USH2A: variants seen among roughly 807,000 people sequenced by gnomAD.
USH2A encodes usherin.
A neutral mutation model predicts 538.9 loss-of-function variants in USH2A; 443 were observed. The observed-to-expected ratio is 0.82, with a 90% CI of 0.76 to 0.89. USH2A has a LOEUF of 0.89. Ranked by LOEUF, USH2A falls within the 40% of genes least tolerant of loss-of-function variation. The probability of loss-of-function intolerance (pLI) is 0.00; values close to 1 mark genes in which losing one functional copy is unlikely to be tolerated. For synonymous variants in USH2A, 2,413 were observed against 2,273.5 expected (o/e 1.06, Z -1.75); for missense variants, 6,633 against 6,324.8 (o/e 1.05, Z -1.65).
In USH2A at chr1:216,154,023, C is replaced by T. The variant is rs139444788; in HGVS notation, c.4627+21229G>A. On this transcript the variant is annotated intron_variant, in intron 21 of 71. Transcript: ENST00000307340. ...AACTTAATAATGTAGCATATTAACA[C>T]GGATTATATAAGCTATGAAAAATAC... Among the ~76,000 whole-genome samples, 39 of 152,180 alleles carry T rather than the reference C, an allele frequency of 2.6e-4. No homozygotes were observed. The East Asian group carries it at 3.5e-3, about 14-fold the overall frequency.
At chr1:216,074,233 C>G (rs1243791066) in intron 27 of USH2A, among the ~76,000 whole-genome samples, 1 of 152,184 alleles carries the variant, frequency 6.6e-6, no homozygotes, top group African/African-American at 2.4e-5. Context: ...AAACAGAGAT[C>G]AGCTCAGTGA....
chr1:216,370,972 C>T (rs1018580966), intron 3 of USH2A, among the ~76,000 whole-genome samples: 3 of 152,138 alleles, frequency 2.0e-5, no homozygotes, highest in Non-Finnish European at 4.4e-5. Flanking sequence ...CCTATATCAT[C>T]CCACTGCCTT....
chr1:215,791,810 A>ATGTGTGTGTAGC (rs1234537803), intron 50 of USH2A, among the ~76,000 whole-genome samples: 19 of 152,302 alleles, frequency 1.2e-4, no homozygotes, highest in Admixed American at 4.6e-4. Flanking sequence ...ACACATATTT[A>ATGTGTGTGTAGC]TGTGTGTGTA....
intron 4 of USH2A, among the ~76,000 whole-genome samples, chr1:216,360,223 G>T (rs2038465724): frequency 6.6e-6 from 1 of 152,006 alleles, no homozygotes; most frequent in Non-Finnish European, 1.5e-5. Context: ...ATATTATTTA[G>T]TACTAAGAAG....
intron 37 of USH2A, among the ~76,000 whole-genome samples, chr1:215,940,794 T>G (rs1206070475): frequency 6.6e-6 from 1 of 152,158 alleles, no homozygotes; most frequent in African/African-American, 2.4e-5. Flanking sequence ...AAGCTGTACT[T>G]CTTTGACTCC....
At chr1:215,968,437 G>A (rs1378404939) in intron 36 of USH2A, among the ~76,000 whole-genome samples, 1 of 151,824 alleles carries the variant, frequency 6.6e-6, no homozygotes, top group Non-Finnish European at 1.5e-5. Flanking sequence ...TAACAAACTG[G>A]TCAGATTAGA....
chr1:215,768,825 C>G (rs1324929918), intron 55 of USH2A, among the ~76,000 whole-genome samples: 1 of 152,144 alleles, frequency 6.6e-6, no homozygotes, highest in African/African-American at 2.4e-5. Context: ...TTATTTTCCC[C>G]ATTTAGAATA....
At chr1:216,375,858 C>G (rs186717945) in intron 3 of USH2A, among the ~76,000 whole-genome samples, 1 of 152,006 alleles carries the variant, frequency 6.6e-6, no homozygotes, top group Non-Finnish European at 1.5e-5. Context: ...GGTTATTACT[C>G]GGTCTAATTT....
At chr1:215,647,399 A>G (rs1656886949) in intron 67 of USH2A, 123 bp downstream of exon 67, 3 of 1,180,732 alleles carry the variant, frequency 2.5e-6, no homozygotes, top group South Asian at 2.6e-5. Flanking sequence ...TGCTTCAGTA[A>G]CATTCAGTGT....
At chr1:215,926,920 T>A (rs1265497971) in intron 38 of USH2A, among the ~76,000 whole-genome samples, 2 of 152,100 alleles carry the variant, frequency 1.3e-5, no homozygotes, top group Non-Finnish European at 2.9e-5. Flanking sequence ...ACCTACCTAT[T>A]CTTATCTGAC....
At chr1:216,222,980 GA>G (rs68139217) in intron 14 of USH2A, among the ~76,000 whole-genome samples, 71,895 of 111,876 alleles carry the variant, frequency 0.64, 22,077 homozygotes, top group South Asian at 0.73. Flanking sequence ...CTCCATCTCA[GA>G]AAAAAAAAAA....
At chr1:216,283,110 G>A (rs12043064) in intron 11 of USH2A, among the ~76,000 whole-genome samples, 3,487 of 152,150 alleles carry the variant, frequency 0.023, 124 homozygotes, top group African/African-American at 0.074. Flanking sequence ...GTTGTTAGAT[G>A]TAGTCTCGTT....
At chr1:216,240,231 C>T (rs1402520597) in intron 13 of USH2A, among the ~76,000 whole-genome samples, 2 of 151,992 alleles carry the variant, frequency 1.3e-5, no homozygotes, top group African/African-American at 4.8e-5. Context: ...GGAAGTTGTC[C>T]CTCTTACACT....
intron 11 of USH2A, among the ~76,000 whole-genome samples, chr1:216,285,438 G>T (rs973841344): frequency 6.6e-6 from 1 of 152,238 alleles, no homozygotes; most frequent in Admixed American, 6.5e-5. Flanking sequence ...AGCTTTCAGA[G>T]GATGTATGGA....
At chr1:215,793,161 TA>T (rs918158174) in intron 50 of USH2A, among the ~76,000 whole-genome samples, 23 of 152,178 alleles carry the variant, frequency 1.5e-4, no homozygotes, top group African/African-American at 5.1e-4. Context: ...AAAGCATTTA[TA>T]AGCATATCTG....
chr1:215,845,988 C>A lies in USH2A; in HGVS notation c.8891G>T (p.Trp2964Leu), dbSNP rs1225643014. The A allele has an allele frequency of 3.1e-6, 5 of 1,613,354 alleles. No individual in the cohort carries two copies. ...AGAGTCGTTTGAGGTAGCAGAACTC[C>A]AAAAAAGTGTGTAATATTCAACTTC... The part of the protein sequence containing the change: ...QGEVEYYTLF[W>L]SSATSNDSLK... Residue 2964 changes from tryptophan to leucine, a missense_variant, in exon 45 of 72, where the codon TGG becomes TTG. Trp to Leu is a moderately conservative substitution (Grantham distance 61, BLOSUM62 -2). Coordinates refer to ENST00000307340, the MANE Select transcript of USH2A (RefSeq NM_206933.4).
At chr1:216,282,706 A>T (rs1571657087) in intron 11 of USH2A, among the ~76,000 whole-genome samples, 2 of 152,314 alleles carry the variant, frequency 1.3e-5, no homozygotes, top group South Asian at 4.1e-4. Context: ...TTTGAGTCCC[A>T]TGAATTTCAT....
intron 9 of USH2A, among the ~76,000 whole-genome samples, chr1:216,315,410 T>A (rs543080704): frequency 6.6e-6 from 1 of 152,228 alleles, no homozygotes; most frequent in Admixed American, 6.5e-5. Flanking sequence ...CTAATCTGTA[T>A]TGATAGAAAT....
chr1:216,294,492 T>C (rs143098255), intron 9 of USH2A, among the ~76,000 whole-genome samples: 97 of 152,026 alleles, frequency 6.4e-4, no homozygotes, highest in African/African-American at 2.3e-3. Flanking sequence ...TCTCATAAAA[T>C]AACATTCAAC....
Sources: gnomAD v4.1 joint callset for allele counts (sites outside exome capture counted in the v4.1 genomes callset) on GRCh38, gnomAD v4.1.1 for gene constraint, MANE v1.5 for transcripts, NCBI Gene and HGNC (gene_info 2026-07-23, HGNC 2026-07-21) for gene names.